UNC5C: variants seen among roughly 807,000 people sequenced by gnomAD.
The protein encoded by UNC5C is unc-5 netrin receptor C.
A neutral mutation model predicts 99.8 loss-of-function variants in UNC5C; 47 were observed. That is an observed-to-expected ratio of 0.47 (90% CI 0.37 to 0.60). UNC5C has a LOEUF of 0.60. UNC5C is among the 20% of genes least tolerant of loss of function. UNC5C has a pLI of 0.00. For missense variants in UNC5C, 1,062 were observed against 1,165.9 expected (o/e 0.91, Z 1.30); for synonymous variants, 487 against 452.2 (o/e 1.08, Z -0.98).
At chr4:95,177,259 C>G (rs1018058807) in intron 14 of UNC5C, among the ~76,000 whole-genome samples, 1 of 152,156 alleles carries the variant, frequency 6.6e-6, no homozygotes, top group Non-Finnish European at 1.5e-5. Context: ...GGCTGTCTCT[C>G]TCTTTTTAAA....
chr4:95,217,939 ATATTT>A (rs535296767), intron 9 of UNC5C, among the ~76,000 whole-genome samples: 1 of 152,346 alleles, frequency 6.6e-6, no homozygotes, highest in African/African-American at 2.4e-5. Context: ...GAAGAAAAAA[ATATTT>A]TATTAAATGT....
At chr4:95,487,614 CA>C (rs1721363160) in intron 1 of UNC5C, among the ~76,000 whole-genome samples, 1 of 151,548 alleles carries the variant, frequency 6.6e-6, no homozygotes, top group Non-Finnish European at 1.5e-5. Flanking sequence ...TATGTGCCAC[CA>C]AAAAGTTTTT....
intron 1 of UNC5C, among the ~76,000 whole-genome samples, chr4:95,546,087 T>C (rs944793515): frequency 6.6e-6 from 1 of 152,234 alleles, no homozygotes; most frequent in Non-Finnish European, 1.5e-5. Context: ...TTCTAATTTT[T>C]GCAGTACTTC....
chr4:95,455,442 G>A (rs1747400569), intron 1 of UNC5C, among the ~76,000 whole-genome samples: 2 of 151,986 alleles, frequency 1.3e-5, no homozygotes, highest in Non-Finnish European at 2.9e-5. Context: ...GTTGAGGCAG[G>A]AGCATTGCTT....
intron 12 of UNC5C, among the ~76,000 whole-genome samples, chr4:95,199,306 G>C (rs1257107558): frequency 6.6e-6 from 1 of 152,164 alleles, no homozygotes; most frequent in East Asian, 1.9e-4. Context: ...GCGTGGGTGT[G>C]AGGAAGAGAT....
rs113658987 is a variant in UNC5C, at chr4:95,237,825, C to T, written c.1108+4604G>A. Among the ~76,000 whole-genome samples, 501 of 152,142 alleles carry T rather than the reference C, an allele frequency of 3.3e-3. 4 individuals carry two copies. Among genetic ancestry groups the T allele is most frequent in the African/African-American group, 0.011 (462 of 41,510 alleles). ...TTTGGGAAGCCGACGCGGCAGATGA[C>T]GAGATCAGGAGATCTAGACCATCCT... is the stretch of plus-strand genomic sequence containing the variant. On this transcript the variant is annotated intron_variant, in intron 7 of 15. Coordinates refer to ENST00000453304, the MANE Select transcript of UNC5C (RefSeq NM_003728.4).
intron 3 of UNC5C, among the ~76,000 whole-genome samples, chr4:95,299,758 A>C (rs1741803758): frequency 6.6e-6 from 1 of 152,174 alleles, no homozygotes; most frequent in Non-Finnish European, 1.5e-5. Context: ...ATTCACCATC[A>C]TAGAACAGCA....
At chr4:95,519,820 G>GCA (rs1436238040) in intron 1 of UNC5C, among the ~76,000 whole-genome samples, 1 of 152,164 alleles carries the variant, frequency 6.6e-6, no homozygotes, top group Admixed American at 6.5e-5. Flanking sequence ...AAACATAGCT[G>GCA]AAGGTATTTT....
At chr4:95,329,526 T>C (rs1248916301) in intron 2 of UNC5C, among the ~76,000 whole-genome samples, 1 of 152,194 alleles carries the variant, frequency 6.6e-6, no homozygotes, top group Non-Finnish European at 1.5e-5. Flanking sequence ...AAATTATGCC[T>C]TTAATCAACA....
Position 95,170,252 on chromosome 4 carries a change from G to C in UNC5C, c.2532C>G (p.Ile844Met). ...AGAGCTTCTGCCGGATAGGGAGAGG[G>C]ATGCTGAAAGCACTGGGCCCCGTGA... is the stretch of plus-strand genomic sequence containing the variant. ...TTVTGPSAFS[I>M]PLPIRQKLCS... Residue 844 changes from isoleucine (I) to methionine (M), a missense_variant, in exon 15 of 16, where the codon ATC becomes ATG. Ile to Met is a conservative substitution (Grantham distance 10). Around this residue, in one of 3 missense-constraint regions of UNC5C, gnomAD observed 810 missense variants for 854.5 expected, o/e 0.95. Transcript: ENST00000453304. The C allele has an allele frequency of 6.2e-7, 1 of 1,614,142 alleles. No homozygotes were observed. The highest frequency in any genetic ancestry group is 1.7e-5 in the Admixed American group (1 of 60,022).
intron 12 of UNC5C, among the ~76,000 whole-genome samples, chr4:95,201,949 C>T (rs947438562): frequency 5.9e-5 from 9 of 152,120 alleles, no homozygotes; most frequent in African/African-American, 2.2e-4. Context: ...TCACGCTGTT[C>T]CCTCCACCTA....
chr4:95,546,940 C>T (rs1723085710), intron 1 of UNC5C, among the ~76,000 whole-genome samples: 1 of 152,094 alleles, frequency 6.6e-6, no homozygotes, highest in South Asian at 2.1e-4. Flanking sequence ...CCCCCTCTCC[C>T]GCCACCCACC....
At chr4:95,403,898 C>T (rs563649640) in intron 1 of UNC5C, among the ~76,000 whole-genome samples, 74 of 152,290 alleles carry the variant, frequency 4.9e-4, no homozygotes, top group African/African-American at 1.8e-3. Context: ...GTTTTCCAGC[C>T]ATTGAAAGCT....
At chr4:95,189,174 C>A (rs367670926) in intron 12 of UNC5C, among the ~76,000 whole-genome samples, 1 of 152,124 alleles carries the variant, frequency 6.6e-6, no homozygotes, top group Admixed American at 6.5e-5. Context: ...CTGGGAGTTC[C>A]CCCACCTCAG....
At chr4:95,534,201 C>A (rs1722720076) in intron 1 of UNC5C, among the ~76,000 whole-genome samples, 1 of 152,116 alleles carries the variant, frequency 6.6e-6, no homozygotes, top group Non-Finnish European at 1.5e-5. Flanking sequence ...GTTTTATAGA[C>A]CTACTTAAAG....
At chr4:95,483,768 C>T (rs1721244705) in intron 1 of UNC5C, among the ~76,000 whole-genome samples, 1 of 151,648 alleles carries the variant, frequency 6.6e-6, no homozygotes, top group Admixed American at 6.6e-5. Flanking sequence ...AACCTGGATC[C>T]CATTAAGCAG....
Position 95,505,523 on chromosome 4 carries a change from T to C in UNC5C, c.124+43211A>G, listed in dbSNP as rs1442849469. On this transcript the variant is annotated intron_variant, in intron 1 of 15. Coordinates refer to ENST00000453304, the MANE Select transcript of UNC5C (RefSeq NM_003728.4). ...TACTTCCTAATTATGCAGTATGCCT[T>C]ATAAACACTTTTTTTGGTTCTGTCA... 2.0e-5 allele frequency among the ~76,000 whole-genome samples: 3 copies of C among 152,114 alleles called. No individual in the cohort carries two copies. The East Asian group carries it at 5.8e-4, about 29-fold the overall frequency.
intron 9 of UNC5C, among the ~76,000 whole-genome samples, chr4:95,216,833 G>C (rs1338998679): frequency 3.3e-5 from 5 of 152,202 alleles, no homozygotes; most frequent in Non-Finnish European, 7.3e-5. Context: ...CTGTGGCAGT[G>C]GCTTGCAAAT....
chr4:95,424,680 C>G (rs957216854), intron 1 of UNC5C, among the ~76,000 whole-genome samples: 21 of 150,954 alleles, frequency 1.4e-4, no homozygotes, highest in African/African-American at 4.9e-4. Flanking sequence ...CCCCACCACG[C>G]CCAGCTAATT....
Sources: allele counts gnomAD v4.1 joint callset (sites outside exome capture counted in the v4.1 genomes callset), GRCh38; gene constraint gnomAD v4.1.1; regional missense constraint gnomAD v4.1.1; transcripts MANE v1.5; gene names NCBI Gene and HGNC (gene_info 2026-07-23, HGNC 2026-07-21).